CRYL1: variants seen among roughly 807,000 people sequenced by gnomAD.
CRYL1 encodes the protein lambda-crystallin homolog.
CRYL1 carries 29 observed loss-of-function variants against 36.6 expected under a neutral mutation model. That is an observed-to-expected ratio of 0.79 (90% CI 0.59 to 1.08). The LOEUF (loss-of-function observed/expected upper bound fraction) is 1.08, where lower values mean the gene tolerates loss of function less well. CRYL1 is among the 50% of genes least tolerant of loss of function. The probability of loss-of-function intolerance (pLI) is 0.00; values close to 1 mark genes in which losing one functional copy is unlikely to be tolerated. For synonymous variants in CRYL1, 152 were observed against 151.5 expected (o/e 1.00, Z -0.02); for missense variants, 411 against 407.9 (o/e 1.01, Z -0.06).
At chr13:20,460,641 T>G (rs1208554361) in intron 3 of CRYL1, among the ~76,000 whole-genome samples, 1 of 143,962 alleles carries the variant, frequency 6.9e-6, no homozygotes, top group Non-Finnish European at 1.5e-5. Flanking sequence ...TTCTCCTGCC[T>G]CAGCCTCCCA....
intron 3 of CRYL1, among the ~76,000 whole-genome samples, chr13:20,448,186 C>G (rs1199847186): frequency 2.0e-5 from 3 of 152,280 alleles, no homozygotes; most frequent in Non-Finnish European, 4.4e-5. Flanking sequence ...GTAGACTCAA[C>G]ACAGCTGAGG....
chr13:20,461,692 C>A lies in CRYL1; in HGVS notation c.277-21938G>T, dbSNP rs2032821629. 2.6e-5 allele frequency among the ~76,000 whole-genome samples: 4 copies of A among 152,028 alleles called. No individual in the cohort carries two copies. The South Asian group carries it at 8.3e-4, about 32-fold the overall frequency. On this transcript the variant is annotated intron_variant, in intron 3 of 7. Coordinates refer to ENST00000298248, the MANE Select transcript of CRYL1 (RefSeq NM_015974.3). ...CCCCATCTCAGGATCATGGAAACAA[C>A]TTGGGGGTGGGAGAAAACCTGATTG...
intron 1 of CRYL1, among the ~76,000 whole-genome samples, chr13:20,517,848 A>G (rs1051978272): frequency 1.3e-4 from 18 of 143,988 alleles, no homozygotes; most frequent in Admixed American, 3.6e-4. Flanking sequence ...AGGCAGGAGA[A>G]TGGCGTGAAC....
At position 20,403,913 on chromosome 13, in the gene CRYL1, G is replaced by T; in HGVS notation, c.*216C>A. ...CAGGTGGCAGGAAATCGACAGCCCC[G>T]AGAACGCAAGTGCTGCTGTGCCGCC... On this transcript the variant is annotated 3_prime_UTR_variant, in exon 8 of 8. Transcript: ENST00000298248. 1 of 391,032 alleles carries T rather than the reference G, an allele frequency of 2.6e-6. No individual in the cohort carries two copies. Among genetic ancestry groups the T allele is most frequent in the East Asian group, 4.0e-5 (1 of 24,704 alleles). The allele number at this position is 391,032 out of a possible 1,614,324, so 24.2% of individuals were successfully genotyped here. A position where few individuals can be genotyped will look rare whatever the true frequency, so the allele number is the denominator to read the frequency against.
chr13:20,431,267 T>G (rs1197920257), intron 5 of CRYL1: 1 of 985,302 alleles, frequency 1.0e-6, no homozygotes, highest in Non-Finnish European at 1.2e-6. Context: ...AACAAGGAAC[T>G]GTGGAGCCAG....
chr13:20,404,780 A>G, intron 6 of CRYL1, 39 bp from the exon 7 acceptor site: 1 of 1,380,186 alleles, frequency 7.2e-7, no homozygotes, highest in Non-Finnish European at 1.0e-6. Flanking sequence ...AATCTCAGAA[A>G]AAAACATTCT....
At position 20,489,387 on chromosome 13, in the gene CRYL1, C is replaced by T; in HGVS notation, c.259G>A (p.Gly87Ser). The T allele has an allele frequency of 6.2e-7, 1 of 1,613,400 alleles. No individual in the cohort carries two copies. Among genetic ancestry groups the T allele is most frequent in the Non-Finnish European group, 8.5e-7 (1 of 1,180,022 alleles). The change falls in exon 3 of 8, where the codon GGT becomes AGT. Residue 87 changes from glycine (G) to serine (S), a missense_variant. By Grantham distance (56) the Gly-to-Ser change is moderately conservative. Transcript: ENST00000298248. ...GCPNIQEAVE[G>S]AMHIQECVPE... is the part of the protein sequence containing the mutation. Reference sequence around the variant, plus strand: ...TCACTCACCTGAATGTGCATGGCACCCTCTACTGCTTCTTGGATATTGGGA... The same window carrying T: ...TCACTCACCTGAATGTGCATGGCACTCTCTACTGCTTCTTGGATATTGGGA...
At chr13:20,404,583 C>T in intron 7 of CRYL1, 52 bp downstream of exon 7, 4 of 1,215,102 alleles carry the variant, frequency 3.3e-6, no homozygotes, top group Non-Finnish European at 4.9e-6. Context: ...GCAGCAAGTG[C>T]TCCAGGTAGC....
chr13:20,518,771 C>G (rs1362562500), intron 1 of CRYL1, among the ~76,000 whole-genome samples: 1 of 152,000 alleles, frequency 6.6e-6, no homozygotes, highest in East Asian at 1.9e-4. Flanking sequence ...AGAGGGGGTG[C>G]TGGAAAGGGG....
intron 5 of CRYL1, chr13:20,430,706 G>A (rs1406187965): frequency 1.0e-6 from 1 of 985,230 alleles, no homozygotes; most frequent in Non-Finnish European, 1.2e-6. Flanking sequence ...ATTGGAGAAA[G>A]CAAGAGTTTA....
rs150130389 is a variant in CRYL1 at position 20,501,253 on chromosome 13, A to G, written c.149+11190T>C. ...TGGTAACAAAACCACATTATGAGGA[A>G]GGTATTATTATGTCTCCATATCCCA... On this transcript the variant is annotated intron_variant, in intron 2 of 7. Transcript: ENST00000298248. Among the ~76,000 whole-genome samples the G allele has an allele frequency of 2.6e-4, 39 of 152,334 alleles. No homozygotes were observed. The East Asian group carries it at 7.3e-3, about 29-fold the overall frequency.
At chr13:20,460,615 A>T (rs8000123) in intron 3 of CRYL1, among the ~76,000 whole-genome samples, 94,607 of 142,914 alleles carry the variant, frequency 0.66, 31,748 homozygotes, top group Non-Finnish European at 0.75. Context: ...AAGCTCCGCC[A>T]CCCGGGTTCA....
At chr13:20,511,280 C>T (rs1052220991) in intron 2 of CRYL1, among the ~76,000 whole-genome samples, 2 of 151,852 alleles carry the variant, frequency 1.3e-5, no homozygotes, top group African/African-American at 2.4e-5. Flanking sequence ...TCTGTAGAGA[C>T]GGGGTCTCAC....
At chr13:20,463,538 C>T (rs945200715) in intron 3 of CRYL1, among the ~76,000 whole-genome samples, 1 of 152,144 alleles carries the variant, frequency 6.6e-6, no homozygotes, top group African/African-American at 2.4e-5. Context: ...ATTTTATCAC[C>T]CCCTTTCTGA....
At chr13:20,460,682 C>T (rs961274701) in intron 3 of CRYL1, among the ~76,000 whole-genome samples, 34 of 151,942 alleles carry the variant, frequency 2.2e-4, no homozygotes, top group Non-Finnish European at 1.2e-4. Flanking sequence ...CCCGCCACTA[C>T]GCCCGGCTAA....
chr13:20,434,323 A>C (rs979332700), intron 4 of CRYL1, among the ~76,000 whole-genome samples: 1 of 152,178 alleles, frequency 6.6e-6, no homozygotes, highest in Non-Finnish European at 1.5e-5. Context: ...AGAGGATTGT[A>C]AAATACACCA....
At chr13:20,488,696 A>G (rs1466265773) in intron 3 of CRYL1, among the ~76,000 whole-genome samples, 1 of 152,246 alleles carries the variant, frequency 6.6e-6, no homozygotes, top group Non-Finnish European at 1.5e-5. Flanking sequence ...GTAAATTTGC[A>G]TAAACCTTAT....
chr13:20,467,111 C>G (rs2032954836), intron 3 of CRYL1, among the ~76,000 whole-genome samples: 3 of 29,888 alleles, frequency 1.0e-4, no homozygotes, highest in African/African-American at 1.7e-4. Flanking sequence ...CCACGCCCGG[C>G]TGATTTTTTT....
chr13:20,404,756 A>C lies in CRYL1; in HGVS notation c.740-15T>G. On this transcript the variant is annotated splice_polypyrimidine_tract_variant and intron_variant, in intron 6 of 7. Transcript: ENST00000298248. ...GCTTAACATACCTGGAATTGTATGA[A>C]GACAAGAATCCACAATCTCAGAAAA... is the stretch of plus-strand genomic sequence containing the variant. 6.6e-7 allele frequency: 1 copy of C among 1,521,316 alleles called. No individual in the cohort carries two copies. Among genetic ancestry groups the C allele is most frequent in the Non-Finnish European group, 9.1e-7 (1 of 1,098,998 alleles). 94.2% of individuals were successfully genotyped at this position (1,521,316 alleles called of 1,614,324 possible).
Sources: gnomAD v4.1 joint callset for allele counts (sites outside exome capture counted in the v4.1 genomes callset) on GRCh38, gnomAD v4.1.1 for gene constraint, MANE v1.5 for transcripts, NCBI Gene and HGNC (gene_info 2026-07-23, HGNC 2026-07-21) for gene names.